RNF31: variants seen among roughly 807,000 people sequenced by gnomAD.
The protein encoded by RNF31 is E3 ubiquitin-protein ligase RNF31.
A neutral mutation model predicts 133.6 loss-of-function variants in RNF31; 38 were observed. That is an observed-to-expected ratio of 0.28 (90% CI 0.22 to 0.37). The LOEUF is 0.37. RNF31 is among the 10% of genes least tolerant of loss of function. The pLI, the probability that RNF31 is intolerant of heterozygous loss-of-function variation, is 1.00. For missense variants in RNF31, 1,118 were observed against 1,394.1 expected (o/e 0.80, Z 3.15); for synonymous variants, 582 against 552.3 (o/e 1.05, Z -0.75).
rs1189247112 is a variant in RNF31 at position 24,147,654 on chromosome 14, CG to C, written c.-42del. ...CGCTCGGGCCGCGCGCTGCCCGCGC[CG>C]GGTCCTGGCGGGCGGCGAGGCTGGG... On this transcript the variant is annotated 5_prime_UTR_variant, in exon 1 of 21. Transcript: ENST00000324103. The C allele has an allele frequency of 6.6e-6, 9 of 1,360,852 alleles. No individual in the cohort carries two copies. Among genetic ancestry groups the C allele is most frequent in the Non-Finnish European group, 8.5e-6 (9 of 1,062,454 alleles). 84.3% of individuals were successfully genotyped at this position (1,360,852 alleles called of 1,614,324 possible). A position where few individuals can be genotyped will look rare whatever the true frequency, so the allele number is the denominator to read the frequency against.
In RNF31 at chr14:24,157,507, T is replaced by C; in HGVS notation, c.2609-13T>C. 1 of 1,613,386 alleles carries C rather than the reference T, an allele frequency of 6.2e-7. No homozygotes were observed. Among genetic ancestry groups the C allele is most frequent in the Non-Finnish European group, 8.5e-7 (1 of 1,179,276 alleles). ...CAGCGGCAGCTCCAGCCCTGACCTCTTGTCCTTTGCAGACTGCCCCAAATG... is the reference window on the plus strand; with the variant it reads ...CAGCGGCAGCTCCAGCCCTGACCTCCTGTCCTTTGCAGACTGCCCCAAATG... On this transcript the variant is annotated splice_polypyrimidine_tract_variant and intron_variant, in intron 15 of 20. Coordinates refer to ENST00000324103, the MANE Select transcript of RNF31 (RefSeq NM_017999.5).
At chr14:24,149,109 A>G (rs1057046871) in intron 5 of RNF31, 18 of 599,866 alleles carry the variant, frequency 3.0e-5, no homozygotes, top group Admixed American at 1.5e-4. Flanking sequence ...GATTACAGGC[A>G]TGCGCCACCG....
Position 24,150,740 on chromosome 14 carries a change from C to G in RNF31, c.1340C>G (p.Pro447Arg). Residue 447 changes from proline (P) to arginine (R), a missense_variant, in exon 8 of 21, where the codon CCC (proline) becomes CGC (arginine). Transcript: ENST00000324103. ...SPIPAQHAPR[P>R]YASSLEKGPP... ...ATTCCAGCACAACATGCCCCCCGGCCCTATGCCAGCTCTTTGGAAAAGGGA... is the reference window on the plus strand; with the variant it reads ...ATTCCAGCACAACATGCCCCCCGGCGCTATGCCAGCTCTTTGGAAAAGGGA... 6.2e-7 allele frequency: 1 copy of G among 1,613,368 alleles called. No homozygotes were observed. Among genetic ancestry groups the G allele is most frequent in the East Asian group, 2.2e-5 (1 of 44,830 alleles).
rs1453142870 is a variant in RNF31 at position 24,149,498 on chromosome 14, C to T, written c.724C>T (p.His242Tyr). 1 of 1,614,154 alleles carries T rather than the reference C, an allele frequency of 6.2e-7. No individual in the cohort carries two copies. Among genetic ancestry groups the T allele is most frequent in the Admixed American group, 1.7e-5 (1 of 60,022 alleles). ...ACAGGCCCTGTGTCCAGCCTGTGAC[C>T]ACCTGTTCCATGGACACCCATCCCG... ...CKQALCPACD[H>Y]LFHGHPSRAH... is the part of the protein sequence containing the mutation. The change falls in exon 6 of 21, where the codon CAC becomes TAC. Residue 242 changes from histidine to tyrosine, a missense_variant. This residue lies in a region of RNF31 where 747 missense variants were observed against 827.9 expected (regional missense o/e 0.90). Transcript: ENST00000324103.
Position 24,150,852 on chromosome 14 carries a change from G to A in RNF31, c.1452G>A (p.Met484Ile), listed in dbSNP as rs779995711. Reference protein sequence around the residue: ...GDPEKQRQDKMREEGLQLVSM... With the variant: ...GDPEKQRQDKIREEGLQLVSM... ...CTGAGAAGCAGCGCCAAGACAAGAT[G>A]CGGGAAGAAGGCCTCCAGCTAGTGA... Residue 484 changes from methionine to isoleucine, a missense_variant, in exon 8 of 21, where the codon ATG becomes ATA. Physicochemically the swap from Met to Ile is conservative, Grantham distance 10. Around this residue, in one of 3 missense-constraint regions of RNF31, gnomAD observed 747 missense variants for 827.9 expected, o/e 0.90. Coordinates refer to ENST00000324103, the MANE Select transcript of RNF31 (RefSeq NM_017999.5). 7.0e-6 allele frequency: 11 copies of A among 1,569,028 alleles called. No homozygotes were observed. Among genetic ancestry groups the A allele is most frequent in the Admixed American group, 1.8e-5 (1 of 55,000 alleles).
In RNF31 at chr14:24,151,258, C is replaced by T. The variant is rs201103203; in HGVS notation, c.1616C>T (p.Ala539Val). 1.2e-5 allele frequency: 20 copies of T among 1,614,198 alleles called. No individual in the cohort carries two copies. In the East Asian group the frequency reaches 4.2e-4, roughly 34 times the overall value. The change falls in exon 9 of 21, where the codon GCT becomes GTT. Residue 539 changes from alanine to valine, a missense_variant. By Grantham distance (64) the Ala-to-Val change is moderately conservative. Transcript: ENST00000324103. The surrounding 1 kb of genome is among the most constrained non-coding windows in gnomAD (Gnocchi z 5.3). ...GTCCTGGAGATGGTGGCTGAGCTGG[C>T]TGGACAGCAGGACCCTGGGCTGGGT... ...PYVLEMVAEL[A>V]GQQDPGLGAF... is the part of the protein sequence containing the mutation.
Position 24,160,424 on chromosome 14 carries a change from G to A in RNF31, c.3165+17G>A, listed in dbSNP as rs781408596. 1.2e-6 allele frequency: 2 copies of A among 1,611,282 alleles called. No individual in the cohort carries two copies. Among genetic ancestry groups the A allele is most frequent in the Non-Finnish European group, 1.7e-6 (2 of 1,177,904 alleles). ...TTGTTACAGGTATAGCCTCCACCCAGCCTCATCTCTTAACCCACCCTACAG... is the reference window on the plus strand; with the variant it reads ...TTGTTACAGGTATAGCCTCCACCCAACCTCATCTCTTAACCCACCCTACAG... On this transcript the variant is annotated intron_variant, in intron 20 of 20. Coordinates refer to ENST00000324103, the MANE Select transcript of RNF31 (RefSeq NM_017999.5). The surrounding 1 kb of genome is among the most constrained non-coding windows in gnomAD (Gnocchi z 4.0).
At position 24,155,805 on chromosome 14, in the gene RNF31, A is replaced by G. The variant is rs2038333904; in HGVS notation, c.2493+113A>G. On this transcript the variant is annotated intron_variant, in intron 14 of 20. Coordinates refer to ENST00000324103, the MANE Select transcript of RNF31 (RefSeq NM_017999.5). This position sits in a 1 kb window ranked among gnomAD's most constrained non-coding sequence, Gnocchi z 4.9. ...AAAACAGACATGAGCTCTGAGGTCA[A>G]AAGAGCTTACAGACTACTCAGAAAG... The G allele has an allele frequency of 3.5e-6, 3 of 867,982 alleles. No individual in the cohort carries two copies. The highest frequency in any genetic ancestry group is 2.8e-5 in the South Asian group (2 of 71,848). 53.8% of individuals were successfully genotyped at this position (867,982 alleles called of 1,614,324 possible). A position where few individuals can be genotyped will look rare whatever the true frequency, so the allele number is the denominator to read the frequency against.
intron 11 of RNF31, among the ~76,000 whole-genome samples, chr14:24,152,264 G>T (rs979435546): frequency 6.6e-6 from 1 of 152,082 alleles, no homozygotes; most frequent in African/African-American, 2.4e-5. Context: ...TCCACTTCCA[G>T]TGTATTTGTC....
rs755669431 is a variant in RNF31 at position 24,155,434 on chromosome 14, A to G, written c.2325A>G (p.Pro775=). 3.1e-6 allele frequency: 5 copies of G among 1,613,864 alleles called. No individual in the cohort carries two copies. In the African/African-American group the frequency reaches 6.7e-5, roughly 22 times the overall value. Reference sequence around the variant, plus strand: ...CCCAGCTTCGCGAGAGCCTAGAGCCAGATGCCTATGCGTTGTTCCATAAGA... The same window carrying G: ...CCCAGCTTCGCGAGAGCCTAGAGCCGGATGCCTATGCGTTGTTCCATAAGA... ...LDIQLRESLE[P]DAYALFHKKL... Residue 775 remains proline, a synonymous_variant, in exon 13 of 21, where the codon CCA becomes CCG. Coordinates refer to ENST00000324103, the MANE Select transcript of RNF31 (RefSeq NM_017999.5). This position sits in a 1 kb window ranked among gnomAD's most constrained non-coding sequence, Gnocchi z 4.9.
rs2038362730 is a variant in RNF31 at position 24,157,591 on chromosome 14, C to T, written c.2680C>T (p.Arg894Cys). The part of the protein sequence containing the change: ...GCMHFHCTQC[R>C]HQFCSGCYNA... ...CATGCACTTTCACTGTACCCAGTGC[C>T]GCCACCAGTTCTGCAGCGGCTGCTA... Residue 894 changes from arginine (R) to cysteine (C), a missense_variant, in exon 16 of 21, where the codon CGC becomes TGC. Arg to Cys is a radical substitution (Grantham distance 180). Around this residue, in one of 3 missense-constraint regions of RNF31, gnomAD observed 201 missense variants for 371.7 expected, o/e 0.54. Coordinates refer to ENST00000324103, the MANE Select transcript of RNF31 (RefSeq NM_017999.5). 12 of 1,613,994 alleles carry T rather than the reference C, an allele frequency of 7.4e-6. No homozygotes were observed. The highest frequency in any genetic ancestry group is 1.7e-5 in the Admixed American group (1 of 59,970).
At chr14:24,153,576 CA>C (rs964048086) in intron 11 of RNF31, among the ~76,000 whole-genome samples, 3 of 144,178 alleles carry the variant, frequency 2.1e-5, no homozygotes, top group South Asian at 2.2e-4. Context: ...GATTCCGTCT[CA>C]AAAAAAAAAC....
At chr14:24,156,451 G>A (rs1231883677) in intron 14 of RNF31, among the ~76,000 whole-genome samples, 1 of 152,090 alleles carries the variant, frequency 6.6e-6, no homozygotes, top group Non-Finnish European at 1.5e-5. Flanking sequence ...TTACAGGCAT[G>A]AGCCACTATG....
rs912148788 is a variant in RNF31 at position 24,160,558 on chromosome 14, C to T, written c.3204C>T (p.Pro1068=). 2.0e-6 allele frequency: 3 copies of T among 1,536,126 alleles called. No homozygotes were observed. The highest frequency in any genetic ancestry group is 1.8e-6 in the Non-Finnish European group (2 of 1,139,212). ...AGGTACCCTTGGGACAGAGTATCCCCCGCAGGCGGAAGTAGCTGAGGGCAA... is the reference window on the plus strand; with the variant it reads ...AGGTACCCTTGGGACAGAGTATCCCTCGCAGGCGGAAGTAGCTGAGGGCAA... ...TEEVPLGQSI[P]RRRK The change falls in exon 21 of 21, where the codon CCC becomes CCT. Residue 1068 remains proline (P), a synonymous_variant. Coordinates refer to ENST00000324103, the MANE Select transcript of RNF31 (RefSeq NM_017999.5). This position sits in a 1 kb window ranked among gnomAD's most constrained non-coding sequence, Gnocchi z 4.0.
chr14:24,149,270 T>C, intron 5 of RNF31, 136 bp from the exon 6 acceptor site: 1 of 974,488 alleles, frequency 1.0e-6, no homozygotes. Context: ...GCCTCTTTGT[T>C]TTTTAAAAGA....
chr14:24,148,701 T>A lies in RNF31; in HGVS notation c.555T>A (p.Asp185Glu). 1 of 1,614,170 alleles carries A rather than the reference T, an allele frequency of 6.2e-7. No homozygotes were observed. Among genetic ancestry groups the A allele is most frequent in the East Asian group, 2.2e-5 (1 of 44,884 alleles). The change falls in exon 4 of 21, where the codon GAT becomes GAA. Residue 185 changes from aspartate to glutamate, a missense_variant and splice_region_variant. Coordinates refer to ENST00000324103, the MANE Select transcript of RNF31 (RefSeq NM_017999.5). ...TGTTGGAAGACAAGGTTGAAGATGA[T>A]GTAAGGAAGGCAGGAAAGGGGCTGG... ...EQLLEDKVED[D>E]MLQLSEFDPL...
intron 11 of RNF31, among the ~76,000 whole-genome samples, chr14:24,153,300 C>T (rs1285652527): frequency 6.6e-6 from 1 of 151,152 alleles, no homozygotes; most frequent in Non-Finnish European, 1.5e-5. Flanking sequence ...AATAAAGGTC[C>T]GGGCATGGTG....
Position 24,147,542 on chromosome 14 carries a change from C to T in RNF31, c.-157C>T, listed in dbSNP as rs2038186662. The T allele has an allele frequency of 1.8e-6, 1 of 562,906 alleles. No individual in the cohort carries two copies. The highest frequency in any genetic ancestry group is 2.8e-6 in the Non-Finnish European group (1 of 357,054). 34.9% of individuals were successfully genotyped at this position (562,906 alleles called of 1,614,324 possible). A position where few individuals can be genotyped will look rare whatever the true frequency, so the allele number is the denominator to read the frequency against. On this transcript the variant is annotated 5_prime_UTR_variant, in exon 1 of 21. Coordinates refer to ENST00000324103, the MANE Select transcript of RNF31 (RefSeq NM_017999.5). ...GCTAACCCTGGCGCTGGGCCGGGGGCTGGAGAGTGACCGTGGTCTGAGTGA... is the reference window on the plus strand; with the variant it reads ...GCTAACCCTGGCGCTGGGCCGGGGGTTGGAGAGTGACCGTGGTCTGAGTGA...
intron 18 of RNF31, among the ~76,000 whole-genome samples, chr14:24,158,996 G>A (rs1362743527): frequency 1.4e-4 from 17 of 125,366 alleles, no homozygotes; most frequent in South Asian, 2.6e-4. Flanking sequence ...TGGCGCCACC[G>A]CACTCCAGCC....
Sources: allele counts gnomAD v4.1 joint callset (sites outside exome capture counted in the v4.1 genomes callset), GRCh38; gene constraint gnomAD v4.1.1; regional missense constraint gnomAD v4.1.1; non-coding constraint Gnocchi (gnomAD v3.1); transcripts MANE v1.5; gene names NCBI Gene and HGNC (gene_info 2026-07-23, HGNC 2026-07-21).